ASIC2: variants seen among roughly 807,000 people sequenced by gnomAD.
ASIC2 encodes acid-sensing ion channel 2.
In ASIC2, 25 loss-of-function variants were observed where a neutral mutation model predicts 57.3. The observed-to-expected ratio is 0.44, with a 90% CI of 0.32 to 0.61. The LOEUF (loss-of-function observed/expected upper bound fraction) is 0.61, where lower values mean the gene tolerates loss of function less well. Among genes scored for constraint, ASIC2 ranks in the 20% least tolerant of loss-of-function variants. The probability of loss-of-function intolerance (pLI) is 0.06; values close to 1 mark genes in which losing one functional copy is unlikely to be tolerated. For missense variants in ASIC2, 641 were observed against 738.1 expected, an observed-to-expected ratio of 0.87 and a Z score of 1.52; for synonymous variants, 319 against 307.5, an observed-to-expected ratio of 1.04 and a Z score of -0.39.
intron 1 of ASIC2, among the ~76,000 whole-genome samples, chr17:33,872,944 G>GGGGAAAGGTGGGGACTGAAGGCA (rs1264415386): frequency 1.3e-5 from 2 of 152,130 alleles, no homozygotes; most frequent in Non-Finnish European, 2.9e-5. Context: ...AACTAGGCAA[G>GGGGAAAGGTGGGGACTGAAGGCA]GGGAAAGGTG....
At chr17:33,085,249 T>G (rs1006954823) in intron 3 of ASIC2, among the ~76,000 whole-genome samples, 2 of 152,246 alleles carry the variant, frequency 1.3e-5, no homozygotes, top group Non-Finnish European at 2.9e-5. Flanking sequence ...GCAACGTAGC[T>G]GCCACATTTT....
At chr17:33,542,748 T>C (rs1296021153) in intron 1 of ASIC2, among the ~76,000 whole-genome samples, 1 of 131,642 alleles carries the variant, frequency 7.6e-6, no homozygotes, top group South Asian at 2.9e-4. Context: ...CTCTTTAGTT[T>C]AATTAGATCC....
chr17:33,542,138 A>G (rs919999097), intron 1 of ASIC2, among the ~76,000 whole-genome samples: 2 of 152,160 alleles, frequency 1.3e-5, no homozygotes, highest in African/African-American at 2.4e-5. Context: ...CTTCAAATCA[A>G]TCTTCATTGT....
intron 1 of ASIC2, among the ~76,000 whole-genome samples, chr17:33,827,465 G>C (rs1390931617): frequency 6.7e-6 from 1 of 150,292 alleles, no homozygotes; most frequent in Non-Finnish European, 1.5e-5. Flanking sequence ...CCAAGTAGCT[G>C]GGACTACAGG....
At chr17:33,057,070 G>A (rs1162185489) in intron 3 of ASIC2, among the ~76,000 whole-genome samples, 1 of 152,178 alleles carries the variant, frequency 6.6e-6, no homozygotes, top group Non-Finnish European at 1.5e-5. Context: ...CAGCAGAGAT[G>A]AGCTAAATTA....
At chr17:33,743,579 G>C (rs1280135944) in intron 1 of ASIC2, among the ~76,000 whole-genome samples, 1 of 152,260 alleles carries the variant, frequency 6.6e-6, no homozygotes, top group Non-Finnish European at 1.5e-5. Flanking sequence ...CCATAATACA[G>C]GTGAGCCTCC....
At chr17:33,263,167 A>C (rs1909344710) in intron 1 of ASIC2, among the ~76,000 whole-genome samples, 2 of 152,068 alleles carry the variant, frequency 1.3e-5, no homozygotes, top group Non-Finnish European at 2.9e-5. Flanking sequence ...TTATATGTAC[A>C]CCGCCTGGTT....
chr17:33,579,305 T>G (rs67338988), intron 1 of ASIC2, among the ~76,000 whole-genome samples: 8 of 94,096 alleles, frequency 8.5e-5, no homozygotes, highest in South Asian at 6.9e-4. Flanking sequence ...AAAAAAAAAA[T>G]GCAGGTGGGT....
intron 1 of ASIC2, among the ~76,000 whole-genome samples, chr17:33,287,838 T>C (rs1905258058): frequency 1.3e-5 from 2 of 152,306 alleles, no homozygotes; most frequent in South Asian, 4.1e-4. Flanking sequence ...CACAGGTGTC[T>C]GGGGAGTGCT....
intron 1 of ASIC2, among the ~76,000 whole-genome samples, chr17:33,246,029 T>TAA (rs35562770): frequency 0.69 from 100,525 of 145,134 alleles, 34,999 homozygotes; most frequent in African/African-American, 0.79. Flanking sequence ...TACCTCTACT[T>TAA]AAAAAAAAAA....
intron 1 of ASIC2, among the ~76,000 whole-genome samples, chr17:34,052,159 A>T (rs576092371): frequency 1.3e-5 from 2 of 152,138 alleles, no homozygotes; most frequent in Admixed American, 6.5e-5. Context: ...ACTGTGTGAA[A>T]GCTCAGCCTC....
chr17:33,975,818 T>C (rs1010491906), intron 1 of ASIC2, among the ~76,000 whole-genome samples: 2 of 152,126 alleles, frequency 1.3e-5, no homozygotes. Flanking sequence ...CCCTGTTCAT[T>C]GAATGAAGTC....
intron 1 of ASIC2, among the ~76,000 whole-genome samples, chr17:33,981,472 C>T (rs190215760): frequency 7.9e-5 from 12 of 152,256 alleles, no homozygotes; most frequent in East Asian, 5.8e-4. Context: ...ACTTAACACA[C>T]GAGGAAACTG....
upstream of ASIC2, among the ~76,000 whole-genome samples, chr17:33,297,656 C>T (rs567945212): frequency 6.6e-6 from 1 of 151,932 alleles, no homozygotes; most frequent in South Asian, 2.1e-4. Flanking sequence ...AACCCTGTCT[C>T]TACAAAAAAC....
At chr17:33,879,788 T>G (rs1205517507) in intron 1 of ASIC2, among the ~76,000 whole-genome samples, 1 of 152,148 alleles carries the variant, frequency 6.6e-6, no homozygotes, top group Non-Finnish European at 1.5e-5. Context: ...CCACCCAAAA[T>G]CAACAGAATA....
intron 1 of ASIC2, among the ~76,000 whole-genome samples, chr17:33,425,080 T>C (rs780465678): frequency 6.6e-6 from 1 of 152,268 alleles, no homozygotes; most frequent in Admixed American, 6.5e-5. Context: ...AAAATTATTA[T>C]GAAGCCCAGT....
chr17:33,099,316 C>T (rs952571488), intron 2 of ASIC2, among the ~76,000 whole-genome samples: 69 of 152,104 alleles, frequency 4.5e-4, no homozygotes, highest in African/African-American at 1.4e-3. Context: ...CGCACCCAGC[C>T]GCTTACCGCA....
intron 1 of ASIC2, among the ~76,000 whole-genome samples, chr17:33,433,417 A>T (rs1471145500): frequency 6.6e-6 from 1 of 152,186 alleles, no homozygotes; most frequent in African/African-American, 2.4e-5. Flanking sequence ...AGTTTGGAGG[A>T]GGGAGAGGAT....
intron 1 of ASIC2, among the ~76,000 whole-genome samples, chr17:33,982,151 G>T (rs926247324): frequency 2.6e-5 from 4 of 152,228 alleles, no homozygotes; most frequent in Admixed American, 1.3e-4. Flanking sequence ...TGGAGCCATT[G>T]CTTGGAAATT....
Sources: gnomAD v4.1 joint callset for allele counts (sites outside exome capture counted in the v4.1 genomes callset) on GRCh38, gnomAD v4.1.1 for gene constraint, MANE v1.5 for transcripts, NCBI Gene and HGNC (gene_info 2026-07-23, HGNC 2026-07-21) for gene names.